ADAMTS17: variants seen among roughly 807,000 people sequenced by gnomAD.
ADAMTS17 encodes A disintegrin and metalloproteinase with thrombospondin motifs 17.
In ADAMTS17, 113 loss-of-function variants were observed where a neutral mutation model predicts 141.5. The observed-to-expected ratio is 0.80, with a 90% CI of 0.69 to 0.93. ADAMTS17 has a LOEUF of 0.93. Among genes scored for constraint, ADAMTS17 ranks in the 40% least tolerant of loss-of-function variants. The pLI, the probability that ADAMTS17 is intolerant of heterozygous loss-of-function variation, is 0.00. For synonymous variants in ADAMTS17, 768 were observed against 630.6 expected (o/e 1.22, Z -3.27); for missense variants, 1,659 against 1,517.9 (o/e 1.09, Z -1.54).
intron 18 of ADAMTS17, among the ~76,000 whole-genome samples, chr15:100,026,651 G>A (rs2061520389): frequency 6.6e-6 from 1 of 152,220 alleles, no homozygotes; most frequent in Non-Finnish European, 1.5e-5. Flanking sequence ...GGGGGACAAT[G>A]GCATGGGGAT....
At chr15:100,176,926 A>C (rs1487837629) in intron 8 of ADAMTS17, among the ~76,000 whole-genome samples, 1 of 152,240 alleles carries the variant, frequency 6.6e-6, no homozygotes, top group Non-Finnish European at 1.5e-5. Context: ...GTTCATCCAC[A>C]TTGCTGTGTG....
At chr15:100,298,441 C>G (rs1156336557) in intron 3 of ADAMTS17, among the ~76,000 whole-genome samples, 1 of 152,142 alleles carries the variant, frequency 6.6e-6, no homozygotes, top group Non-Finnish European at 1.5e-5. Flanking sequence ...GCGCTGGGTG[C>G]TCTCCCAGAG....
chr15:100,311,788 G>C (rs1284044525), intron 3 of ADAMTS17, among the ~76,000 whole-genome samples: 1 of 151,634 alleles, frequency 6.6e-6, no homozygotes, highest in Non-Finnish European at 1.5e-5. Context: ...CCTCACATCT[G>C]GGTTCTCAGA....
intron 19 of ADAMTS17, among the ~76,000 whole-genome samples, chr15:99,995,735 A>C (rs565866545): frequency 3.9e-5 from 6 of 152,308 alleles, no homozygotes; most frequent in Non-Finnish European, 2.9e-5. Context: ...TCACTTTGGG[A>C]CTTCAGCACG....
At chr15:100,278,328 A>AAT (rs1491585235) in intron 4 of ADAMTS17, among the ~76,000 whole-genome samples, 3,419 of 76,366 alleles carry the variant, frequency 0.045, 74 homozygotes, top group African/African-American at 0.11. Context: ...ATTCTACCAC[A>AAT]AAAAAAAAAA....
At chr15:100,309,900 C>T (rs944552523) in intron 3 of ADAMTS17, among the ~76,000 whole-genome samples, 2 of 152,182 alleles carry the variant, frequency 1.3e-5, no homozygotes, top group African/African-American at 2.4e-5. Context: ...ACAGCAGAGA[C>T]CCCAGGACCC....
intron 3 of ADAMTS17, among the ~76,000 whole-genome samples, chr15:100,309,375 T>C (rs1051617583): frequency 1.3e-5 from 2 of 152,062 alleles, no homozygotes; most frequent in Non-Finnish European, 2.9e-5. Context: ...GCACAAAAAA[T>C]GGAATGGCTA....
chr15:100,281,487 C>T, intron 3 of ADAMTS17, 86 bp from the exon 4 acceptor site: 1 of 1,518,318 alleles, frequency 6.6e-7, no homozygotes, highest in Non-Finnish European at 8.9e-7. Context: ...TCAAGCCTGC[C>T]CGAGAGAGTG....
At chr15:100,148,341 T>C (rs979526098) in intron 10 of ADAMTS17, among the ~76,000 whole-genome samples, 1 of 152,250 alleles carries the variant, frequency 6.6e-6, no homozygotes, top group Non-Finnish European at 1.5e-5. Context: ...CCAGGGCTCT[T>C]CATTTCTTTG....
At chr15:99,988,705 A>G (rs1337885860) in intron 20 of ADAMTS17, among the ~76,000 whole-genome samples, 1 of 152,150 alleles carries the variant, frequency 6.6e-6, no homozygotes, top group Non-Finnish European at 1.5e-5. Context: ...TGGTGAAGAG[A>G]GGACGGCCAG....
At chr15:100,002,836 CCTGCTGTCCAGCCCTTT>C (rs1445650288) in intron 18 of ADAMTS17, among the ~76,000 whole-genome samples, 2 of 152,014 alleles carry the variant, frequency 1.3e-5, no homozygotes, top group Non-Finnish European at 2.9e-5. Flanking sequence ...ATCCCTCCTT[CCTGCTGTCCAGCCCTTT>C]CCCGCGGAGT....
At chr15:100,115,387 G>T (rs2037051672) in intron 13 of ADAMTS17, among the ~76,000 whole-genome samples, 1 of 152,324 alleles carries the variant, frequency 6.6e-6, no homozygotes, top group South Asian at 2.1e-4. Context: ...TGTTTCTCTT[G>T]AATTCTGCTG....
chr15:100,270,563 T>G (rs2043870323), intron 4 of ADAMTS17, among the ~76,000 whole-genome samples: 2 of 151,932 alleles, frequency 1.3e-5, no homozygotes, highest in African/African-American at 4.8e-5. Flanking sequence ...TCGCAAAGGA[T>G]GCTGGTATAT....
At chr15:100,112,590 T>G (rs2141121136) in intron 13 of ADAMTS17, among the ~76,000 whole-genome samples, 1 of 152,212 alleles carries the variant, frequency 6.6e-6, no homozygotes, top group African/African-American at 2.4e-5. Flanking sequence ...GGTGGTGGGA[T>G]TCAGCTTTGC....
chr15:100,096,269 T>C, intron 15 of ADAMTS17, 87 bp downstream of exon 15: 7 of 1,595,062 alleles, frequency 4.4e-6, no homozygotes, highest in South Asian at 3.3e-5. Context: ...CCCTTAAATA[T>C]GAAATGTAGG....
intron 9 of ADAMTS17, among the ~76,000 whole-genome samples, 200 bp from the exon 10 acceptor site, chr15:100,152,962 A>AATTATTATTTT (rs2039253020): frequency 6.6e-6 from 1 of 151,390 alleles, no homozygotes; most frequent in Non-Finnish European, 1.5e-5. Context: ...CCAAATGTGA[A>AATTATTATTTT]TCTTCGCTCT....
chr15:99,993,940 A>G lies in ADAMTS17; in HGVS notation c.2797-740T>C, dbSNP rs2060742639. On this transcript the variant is annotated intron_variant, in intron 19 of 21. Transcript: ENST00000268070. This position sits in a 1 kb window ranked among gnomAD's most constrained non-coding sequence, Gnocchi z 4.3. ...CCCTCAAGAGTTCAGGATTCCCAGC[A>G]GCAAGAAGGAGCGAAGAGGCAGGGG... 6.6e-6 allele frequency among the ~76,000 whole-genome samples: 1 copy of G among 152,202 alleles called. No homozygotes were observed. The highest frequency in any genetic ancestry group is 2.4e-5 in the African/African-American group (1 of 41,454).
chr15:99,985,833 A>G (rs2060574300), intron 20 of ADAMTS17, among the ~76,000 whole-genome samples: 1 of 152,174 alleles, frequency 6.6e-6, no homozygotes, highest in African/African-American at 2.4e-5. Flanking sequence ...GCAACGGCAA[A>G]TGTCACGGGC....
At chr15:100,033,895 G>A (rs2030439977) in intron 18 of ADAMTS17, among the ~76,000 whole-genome samples, 2 of 152,176 alleles carry the variant, frequency 1.3e-5, no homozygotes, top group South Asian at 2.1e-4. Context: ...GTGGTGCCAC[G>A]ATCACCTCCT....
Sources: gnomAD v4.1 joint callset for allele counts (sites outside exome capture counted in the v4.1 genomes callset) on GRCh38, gnomAD v4.1.1 for gene constraint, Gnocchi (gnomAD v3.1) non-coding constraint, MANE v1.5 for transcripts, NCBI Gene and HGNC (gene_info 2026-07-23, HGNC 2026-07-21) for gene names.